Variants in KAT2B observed in about 807,000 individuals in gnomAD.
The protein encoded by KAT2B is histone acetyltransferase KAT2B.
In KAT2B, 36 loss-of-function variants were observed where a neutral mutation model predicts 105.9. The ratio of observed to expected loss-of-function variants is 0.34; its 90% CI spans 0.26 to 0.45. KAT2B has a LOEUF of 0.45. Among genes scored for constraint, KAT2B ranks in the 20% least tolerant of loss-of-function variants. KAT2B has a pLI of 1.00. For synonymous variants in KAT2B, 397 were observed against 377.9 expected (o/e 1.05, Z -0.59); for missense variants, 820 against 1,021.6 (o/e 0.80, Z 2.69).
At chr3:20,072,602 G>A (rs1053926412) in intron 2 of KAT2B, 143 bp downstream of exon 2, 6 of 760,908 alleles carry the variant, frequency 7.9e-6, no homozygotes, top group Admixed American at 2.3e-5. Flanking sequence ...CTAGTCTCAC[G>A]AGTTTGCTGG....
chr3:20,045,815 A>G (rs1180697513), intron 1 of KAT2B, among the ~76,000 whole-genome samples: 1 of 152,200 alleles, frequency 6.6e-6, no homozygotes, highest in Non-Finnish European at 1.5e-5. Flanking sequence ...CTGTCTGTAA[A>G]GGAATGATGT....
chr3:20,072,058 C>T (rs1000222058), intron 1 of KAT2B, among the ~76,000 whole-genome samples: 1 of 152,142 alleles, frequency 6.6e-6, no homozygotes, highest in African/African-American at 2.4e-5. Context: ...CATGGACACC[C>T]ACTGGGGGCA....
rs1315627585 is a variant in KAT2B at position 20,143,792 on chromosome 3, A to AATACTGCATGTTTTCTGTT, written c.2005-2520_2005-2502dup. On this transcript the variant is annotated intron_variant, in intron 13 of 17. Transcript: ENST00000263754. ...AGATTAACACAGGAACAGAAAACAA[A>AATACTGCATGTTTTCTGTT]ATACTGCATGTTTTCTGTTATAAGT... is the stretch of plus-strand genomic sequence containing the variant. Among the ~76,000 whole-genome samples the AATACTGCATGTTTTCTGTT allele has an allele frequency of 9.2e-5, 14 of 152,308 alleles. No homozygotes were observed. In the East Asian group the frequency reaches 2.5e-3, roughly 27 times the overall value.
At chr3:20,142,313 G>A (rs1699708251) in intron 13 of KAT2B, among the ~76,000 whole-genome samples, 1 of 152,142 alleles carries the variant, frequency 6.6e-6, no homozygotes. Context: ...AATGGGTGAT[G>A]GAGGTTTGGA....
chr3:20,107,709 C>A (rs1047003618), intron 5 of KAT2B, among the ~76,000 whole-genome samples: 2 of 150,126 alleles, frequency 1.3e-5, no homozygotes, highest in African/African-American at 4.9e-5. Flanking sequence ...TATAATTTCA[C>A]CATGTAACCA....
At chr3:20,045,709 A>G (rs1312786989) in intron 1 of KAT2B, among the ~76,000 whole-genome samples, 1 of 152,216 alleles carries the variant, frequency 6.6e-6, no homozygotes, top group African/African-American at 2.4e-5. Flanking sequence ...AGTGGCTAAG[A>G]ACATGGGCTT....
intron 1 of KAT2B, among the ~76,000 whole-genome samples, chr3:20,059,624 G>C (rs952502468): frequency 6.6e-6 from 1 of 151,974 alleles, no homozygotes; most frequent in Non-Finnish European, 1.5e-5. Context: ...AGAATGGCGT[G>C]AACCTGGGAG....
At chr3:20,139,221 C>CTTCTT (rs1553599029) in intron 12 of KAT2B, among the ~76,000 whole-genome samples, 95 of 151,790 alleles carry the variant, frequency 6.3e-4, no homozygotes, top group Middle Eastern at 6.8e-3. Flanking sequence ...AGCCAGACTT[C>CTTCTT]TTTTTTTTTA....
rs1028745885 is a variant in KAT2B at position 20,111,705 on chromosome 3, C to A, written c.961C>A (p.Arg321=). The A allele has an allele frequency of 3.1e-6, 5 of 1,613,830 alleles. No individual in the cohort carries two copies. The highest frequency in any genetic ancestry group is 2.2e-5 in the East Asian group (1 of 44,874). ...LLRSVFTVMR[R]QLLEQARQEK... is the part of the protein sequence containing the mutation. The stretch of plus-strand genomic sequence containing the variant: ...TCGCTCGGTCTTCACTGTTATGAGG[C>A]GACAACTCCTGGAACAAGCAAGACA... The change falls in exon 6 of 18, where the codon CGA becomes AGA. Residue 321 remains arginine, a synonymous_variant. Coordinates refer to ENST00000263754, the MANE Select transcript of KAT2B (RefSeq NM_003884.5).
chr3:20,117,252 A>G (rs1354902973), intron 7 of KAT2B, among the ~76,000 whole-genome samples: 5 of 152,200 alleles, frequency 3.3e-5, no homozygotes, highest in Non-Finnish European at 5.9e-5. Flanking sequence ...GTTGTCACCA[A>G]GTTAAGTTGG....
At chr3:20,060,201 A>G (rs1698075893) in intron 1 of KAT2B, among the ~76,000 whole-genome samples, 1 of 152,218 alleles carries the variant, frequency 6.6e-6, no homozygotes. Context: ...ATCTGCATGC[A>G]AGTCTTAGTA....
chr3:20,127,691 C>T (rs1699429932), intron 11 of KAT2B, 142 bp downstream of exon 11: 1 of 761,086 alleles, frequency 1.3e-6, no homozygotes, highest in African/African-American at 1.8e-5. Flanking sequence ...ATAGTCCTCT[C>T]ACTCCAATGG....
chr3:20,147,300 C>T (rs1699796682), intron 14 of KAT2B, among the ~76,000 whole-genome samples: 1 of 151,790 alleles, frequency 6.6e-6, no homozygotes, highest in African/African-American at 2.4e-5. Context: ...CTATTAATGA[C>T]ATAATAGCAA....
chr3:20,094,447 C>T lies in KAT2B; in HGVS notation c.431-816C>T, dbSNP rs76451200. On this transcript the variant is annotated intron_variant, in intron 2 of 17. Transcript: ENST00000263754. Reference sequence around the variant, plus strand: ...GTTTGGGTGGAGACACAGAGCCAAACCATATCAGAGCCTTAGTTTCCTCAA... The same window carrying T: ...GTTTGGGTGGAGACACAGAGCCAAATCATATCAGAGCCTTAGTTTCCTCAA... 5.6e-3 allele frequency among the ~76,000 whole-genome samples: 853 copies of T among 152,192 alleles called. 6 individuals carry two copies. Among genetic ancestry groups the T allele is most frequent in the Middle Eastern group, 0.024 (7 of 294 alleles).
At chr3:20,060,777 A>T (rs1161746497) in intron 1 of KAT2B, among the ~76,000 whole-genome samples, 1 of 152,058 alleles carries the variant, frequency 6.6e-6, no homozygotes, top group Non-Finnish European at 1.5e-5. Context: ...AATAAAAATA[A>T]AAAATAAAAT....
intron 17 of KAT2B, among the ~76,000 whole-genome samples, chr3:20,149,495 CAAAAAAAAAAAAA>C (rs56091316): frequency 4.7e-5 from 2 of 42,448 alleles, no homozygotes; most frequent in East Asian, 2.0e-3. Context: ...GACCGTATCT[CAAAAAAAAAAAAA>C]AAAAAAAAAA....
chr3:20,075,425 G>C (rs1239787012), intron 2 of KAT2B, among the ~76,000 whole-genome samples: 3 of 151,626 alleles, frequency 2.0e-5, no homozygotes. Flanking sequence ...ATTCATTTCG[G>C]TTCTGACATG....
At chr3:20,074,450 T>G (rs180827700) in intron 2 of KAT2B, among the ~76,000 whole-genome samples, 1 of 152,334 alleles carries the variant, frequency 6.6e-6, no homozygotes, top group Admixed American at 6.5e-5. Context: ...TACATAGTAG[T>G]ATTTACCTTG....
At position 20,136,923 on chromosome 3, in the gene KAT2B, T is replaced by C. The variant is rs1315203314; in HGVS notation, c.1750-19T>C. Reference sequence around the variant, plus strand: ...CTCCCCAGTCTAATGTATTTGTTTGTATACTAACTTCCACACAGGGCTATG... The same window carrying C: ...CTCCCCAGTCTAATGTATTTGTTTGCATACTAACTTCCACACAGGGCTATG... On this transcript the variant is annotated intron_variant, in intron 11 of 17. Coordinates refer to ENST00000263754, the MANE Select transcript of KAT2B (RefSeq NM_003884.5). 1 of 1,368,860 alleles carries C rather than the reference T, an allele frequency of 7.3e-7. No individual in the cohort carries two copies. The highest frequency in any genetic ancestry group is 1.7e-5 in the Admixed American group (1 of 57,782). 84.8% of individuals were successfully genotyped at this position (1,368,860 alleles called of 1,614,324 possible).
Sources: allele counts gnomAD v4.1 joint callset (sites outside exome capture counted in the v4.1 genomes callset), GRCh38; gene constraint gnomAD v4.1.1; transcripts MANE v1.5; gene names NCBI Gene and HGNC (gene_info 2026-07-23, HGNC 2026-07-21).